Variants in SDK2 observed in about 807,000 individuals in gnomAD.
The protein encoded by SDK2 is sidekick cell adhesion molecule 2, also known as protein sidekick-2.
A neutral mutation model predicts 253.9 loss-of-function variants in SDK2; 105 were observed. The observed-to-expected ratio is 0.41, with a 90% confidence interval of 0.35 to 0.49. SDK2 has a LOEUF of 0.49. Among genes scored for constraint, SDK2 ranks in the 20% least tolerant of loss-of-function variants. SDK2 has a pLI of 0.06. For synonymous variants in SDK2, 1,249 were observed against 1,234.9 expected (o/e 1.01, Z -0.24); for missense variants, 2,608 against 3,003.0 (o/e 0.87, Z 3.07).
intron 40 of SDK2, among the ~76,000 whole-genome samples, chr17:73,355,174 A>ATATATATATATATATATATTTTTTTTTT: frequency 3.2e-4 from 15 of 47,222 alleles, no homozygotes; most frequent in African/African-American, 2.0e-3. Context: ...ATATATATAT[A>ATATATATATATATATATATTTTTTTTTT]TTTTTTTTTT....
intron 2 of SDK2, among the ~76,000 whole-genome samples, chr17:73,480,694 C>T (rs2063716743): frequency 6.6e-6 from 1 of 151,874 alleles, no homozygotes; most frequent in South Asian, 2.1e-4. Context: ...GAGAGAGAGA[C>T]AGGGAGGCTG....
chr17:73,531,622 C>T (rs2064169769), intron 1 of SDK2, among the ~76,000 whole-genome samples: 1 of 152,220 alleles, frequency 6.6e-6, no homozygotes, highest in African/African-American at 2.4e-5. Flanking sequence ...CGCCTCCCAG[C>T]CGCCAGTCAT....
chr17:73,390,185 G>T, intron 29 of SDK2, 102 bp downstream of exon 29: 2 of 990,572 alleles, frequency 2.0e-6, no homozygotes, highest in Non-Finnish European at 2.9e-6. Context: ...CTCATCCAGG[G>T]CACTGCAGCT....
intron 1 of SDK2, among the ~76,000 whole-genome samples, chr17:73,554,759 C>T (rs990385059): frequency 6.6e-6 from 1 of 152,248 alleles, no homozygotes; most frequent in Admixed American, 6.5e-5. Context: ...TATGTCAAGT[C>T]CTGGCTCAAA....
rs1325263279 is a variant in SDK2, at chr17:73,365,281, T to C, written c.5282A>G (p.Tyr1761Cys). Residue 1761 changes from tyrosine to cysteine, a missense_variant, in exon 38 of 45, where the codon TAC becomes TGC. Tyr to Cys is a radical substitution (Grantham distance 194). Around this residue, in one of 2 missense-constraint regions of SDK2, gnomAD observed 1,103 missense variants for 1,143.9 expected, o/e 0.96. Transcript: ENST00000392650. The stretch of plus-strand genomic sequence containing the variant: ...ACCATCCACGGGGCTGCAGGGCTCG[T>C]ACACCAGCCTGTAGCCCTCCAGGAT... Reference protein sequence around the residue: ...NGILEGYRLVYEPCSPVDGVS... With the variant: ...NGILEGYRLVCEPCSPVDGVS... The C allele has an allele frequency of 6.2e-6, 10 of 1,611,762 alleles. No homozygotes were observed. The African/African-American group carries it at 9.4e-5, about 15-fold the overall frequency.
chr17:73,341,912 G>A (rs2145370694), intron 44 of SDK2, among the ~76,000 whole-genome samples: 1 of 152,268 alleles, frequency 6.6e-6, no homozygotes, highest in Non-Finnish European at 1.5e-5. Context: ...CACCGACGCT[G>A]CCTGGGTACT....
intron 9 of SDK2, 46 bp from the exon 10 acceptor site, chr17:73,433,894 T>A: frequency 7.3e-7 from 1 of 1,366,878 alleles, no homozygotes; most frequent in Non-Finnish European, 9.8e-7. Flanking sequence ...CTGGGAGATG[T>A]CCCCCAAGCC....
At chr17:73,356,228 C>T (rs981078185) in intron 40 of SDK2, among the ~76,000 whole-genome samples, 1 of 152,190 alleles carries the variant, frequency 6.6e-6, no homozygotes, top group Non-Finnish European at 1.5e-5. Context: ...GGGCTGGGAT[C>T]ATTGAGGCCC....
rs142238459 is a variant in SDK2 at position 73,472,135 on chromosome 17, C to T, written c.308G>A (p.Arg103Gln). ...ACAGGCCACCTGGACCTCGGTTTGC[C>T]GCTGCAGCAGGGCCCCCATTCGGTT... Reference protein sequence around the residue: ...VRNRMGALLQRQTEVQVAYMG... With the variant: ...VRNRMGALLQQQTEVQVAYMG... Residue 103 changes from arginine (R) to glutamine (Q), a missense_variant, in exon 3 of 45, where the codon CGG becomes CAG. Arg to Gln is a conservative substitution (Grantham distance 43). This residue lies in a region of SDK2 where 1,505 missense variants were observed against 1,859.1 expected (regional missense o/e 0.81). Transcript: ENST00000392650. 21 of 1,551,586 alleles carry T rather than the reference C, an allele frequency of 1.4e-5. No individual in the cohort carries two copies. Among genetic ancestry groups the T allele is most frequent in the East Asian group, 2.4e-5 (1 of 40,922 alleles).
intron 38 of SDK2, among the ~76,000 whole-genome samples, chr17:73,363,939 C>T (rs2145427063): frequency 6.6e-6 from 1 of 152,144 alleles, no homozygotes; most frequent in South Asian, 2.1e-4. Flanking sequence ...GAACGAGCTG[C>T]TGGCACCCAG....
chr17:73,410,476 C>G (rs190538502), intron 18 of SDK2, among the ~76,000 whole-genome samples: 38 of 152,174 alleles, frequency 2.5e-4, no homozygotes, highest in Non-Finnish European at 1.8e-4. Flanking sequence ...TGTCACCACA[C>G]CTGGCTAATT....
At chr17:73,437,636 A>G (rs779426078) in intron 8 of SDK2, 103 bp downstream of exon 8, 8 of 1,000,892 alleles carry the variant, frequency 8.0e-6, no homozygotes, top group South Asian at 1.3e-5. Context: ...GCCTAGTGAC[A>G]TGGTCTCGAG....
At chr17:73,530,595 GC>G (rs1292073544) in intron 1 of SDK2, among the ~76,000 whole-genome samples, 1 of 152,174 alleles carries the variant, frequency 6.6e-6, no homozygotes, top group Non-Finnish European at 1.5e-5. Context: ...AATGGTAGGG[GC>G]TGTAAGCCCC....
At chr17:73,392,043 T>C (rs976606327) in intron 27 of SDK2, among the ~76,000 whole-genome samples, 12 of 152,272 alleles carry the variant, frequency 7.9e-5, no homozygotes, top group African/African-American at 2.4e-4. Flanking sequence ...AGAGGCTGCA[T>C]GGGCCTCGTC....
At chr17:73,340,581 G>A (rs1165245613) in intron 44 of SDK2, among the ~76,000 whole-genome samples, 1 of 152,116 alleles carries the variant, frequency 6.6e-6, no homozygotes, top group Non-Finnish European at 1.5e-5. Flanking sequence ...GACAAAGCCA[G>A]AGCCTAATTA....
intron 10 of SDK2, among the ~76,000 whole-genome samples, chr17:73,432,220 C>T (rs765670387): frequency 6.6e-5 from 10 of 152,000 alleles, no homozygotes; most frequent in Non-Finnish European, 1.3e-4. Context: ...GCAGGGGGAC[C>T]CAGGGAGCCT....
chr17:73,641,916 T>C (rs1290813474), intron 1 of SDK2, among the ~76,000 whole-genome samples: 6 of 152,110 alleles, frequency 3.9e-5, no homozygotes, highest in Non-Finnish European at 1.5e-5. Flanking sequence ...TTTGCAAGGC[T>C]TGCCTCCAGG....
At chr17:73,402,928 G>A (rs1355638891) in intron 18 of SDK2, among the ~76,000 whole-genome samples, 1 of 152,132 alleles carries the variant, frequency 6.6e-6, no homozygotes, top group East Asian at 1.9e-4. Context: ...CTCCAGAGTA[G>A]ATGGGATTAC....
chr17:73,400,466 A>C (rs1291590760), intron 21 of SDK2, among the ~76,000 whole-genome samples: 1 of 152,150 alleles, frequency 6.6e-6, no homozygotes, highest in Admixed American at 6.5e-5. Context: ...GGGAAATGAG[A>C]CAAGGCAGGG....
Sources: gnomAD v4.1 joint callset for allele counts (sites outside exome capture counted in the v4.1 genomes callset) on GRCh38, gnomAD v4.1.1 for gene constraint, gnomAD v4.1.1 regional missense constraint, MANE v1.5 for transcripts, NCBI Gene and HGNC (gene_info 2026-07-23, HGNC 2026-07-21) for gene names.